The following USH2A variants were observed in gnomAD, a reference collection of about 807,000 sequenced individuals.
USH2A encodes the protein usherin.
A neutral mutation model predicts 538.9 loss-of-function variants in USH2A; 443 were observed. The observed-to-expected ratio is 0.82, with a 90% CI of 0.76 to 0.89. The LOEUF (loss-of-function observed/expected upper bound fraction) is 0.89. Ranked by LOEUF, USH2A falls within the 40% of genes least tolerant of loss-of-function variation. The probability of loss-of-function intolerance (pLI) is 0.00; values close to 1 mark genes in which losing one functional copy is unlikely to be tolerated. For synonymous variants in USH2A, 2,413 were observed against 2,273.5 expected, an observed-to-expected ratio of 1.06 and a Z score of -1.75; for missense variants, 6,633 against 6,324.8, an observed-to-expected ratio of 1.05 and a Z score of -1.65.
chr1:215,965,008 T>A (rs1419583570), intron 37 of USH2A, among the ~76,000 whole-genome samples: 1 of 152,162 alleles, frequency 6.6e-6, no homozygotes, highest in Admixed American at 6.5e-5. Context: ...TCAGCATGTG[T>A]CACCTAAAGG....
At position 215,781,594 on chromosome 1, in the gene USH2A, T is replaced by C. The variant is rs1315406184; in HGVS notation, c.10740+448A>G. Among the ~76,000 whole-genome samples, 3 of 152,208 alleles carry C rather than the reference T, an allele frequency of 2.0e-5. No individual in the cohort carries two copies. In the South Asian group the frequency reaches 6.2e-4, roughly 31 times the overall value. ...TCTTCATTATTTCTTGACAAGGCTATAGCAGAAGGCTTGGAACAATTTTGT... is the reference window on the plus strand; with the variant it reads ...TCTTCATTATTTCTTGACAAGGCTACAGCAGAAGGCTTGGAACAATTTTGT... On this transcript the variant is annotated intron_variant, in intron 54 of 71. Coordinates refer to ENST00000307340, the MANE Select transcript of USH2A (RefSeq NM_206933.4).
intron 39 of USH2A, 100 bp from the exon 40 acceptor site, chr1:215,900,317 T>A: frequency 8.2e-7 from 1 of 1,224,880 alleles, no homozygotes; most frequent in South Asian, 1.3e-5. Flanking sequence ...GATGTCAACA[T>A]ACATTTAAGT....
At chr1:216,184,473 C>T (rs2034557584) in intron 20 of USH2A, among the ~76,000 whole-genome samples, 1 of 151,866 alleles carries the variant, frequency 6.6e-6, no homozygotes, top group South Asian at 2.1e-4. Flanking sequence ...ATATGGCATG[C>T]CACATTTGCA....
chr1:216,047,432 A>G (rs1490141606), intron 31 of USH2A, among the ~76,000 whole-genome samples: 1 of 152,174 alleles, frequency 6.6e-6, no homozygotes, highest in African/African-American at 2.4e-5. Flanking sequence ...ATGATACAAC[A>G]AAAACAGTGC....
chr1:215,858,022 T>G (rs1342819347), intron 44 of USH2A, among the ~76,000 whole-genome samples: 1 of 152,136 alleles, frequency 6.6e-6, no homozygotes, highest in African/African-American at 2.4e-5. Flanking sequence ...CAAGTGTTTC[T>G]GTGGCAACTA....
intron 4 of USH2A, among the ~76,000 whole-genome samples, chr1:216,335,819 C>T (rs1341368288): frequency 6.6e-6 from 1 of 151,468 alleles, no homozygotes; most frequent in Non-Finnish European, 1.5e-5. Context: ...GGACCAGATG[C>T]TTTCATTGGC....
In USH2A at chr1:216,199,942, T is replaced by C. The variant is rs757002832; in HGVS notation, c.3496A>G (p.Thr1166Ala). Residue 1166 changes from threonine (T) to alanine (A), a missense_variant, in exon 17 of 72, where the codon ACA becomes GCA. By Grantham distance (58) the Thr-to-Ala change is moderately conservative (BLOSUM62 0). Coordinates refer to ENST00000307340, the MANE Select transcript of USH2A (RefSeq NM_206933.4). ...TTTGAGAGTGTTGTCCAGGTAAGTG[T>C]CACAGAGTCTGAGCCAATAGGAATG... is the stretch of plus-strand genomic sequence containing the variant. ...YIIPIGSDSV[T>A]LTWTTLSNQS... 4 of 1,614,004 alleles carry C rather than the reference T, an allele frequency of 2.5e-6. No individual in the cohort carries two copies. The Admixed American group carries it at 6.7e-5, about 27-fold the overall frequency.
intron 32 of USH2A, among the ~76,000 whole-genome samples, chr1:216,033,065 C>T (rs1669166724): frequency 6.6e-6 from 1 of 152,170 alleles, no homozygotes; most frequent in Non-Finnish European, 1.5e-5. Flanking sequence ...CCATGATGAT[C>T]TCTCAATCTT....
chr1:215,764,396 A>C (rs1661068520), intron 56 of USH2A, among the ~76,000 whole-genome samples: 1 of 152,208 alleles, frequency 6.6e-6, no homozygotes, highest in South Asian at 2.1e-4. Context: ...CTCTAAAATG[A>C]ATTAGAACTC....
At chr1:215,900,622 A>C in intron 39 of USH2A, 133 bp downstream of exon 39, 1 of 1,183,136 alleles carries the variant, frequency 8.5e-7, no homozygotes, top group Non-Finnish European at 1.2e-6. Flanking sequence ...TTATCCTCTA[A>C]TTGTTTGGGG....
rs145365673 is a variant in USH2A at position 215,811,718 on chromosome 1, C to T, written c.9739+2018G>A. 2.0e-5 allele frequency among the ~76,000 whole-genome samples: 3 copies of T among 151,968 alleles called. No individual in the cohort carries two copies. In the East Asian group the frequency reaches 5.9e-4, roughly 30 times the overall value. ...GGTTGGGAGTTCGAGACCACCCTGA[C>T]CAACATGGAGAAAGCCTGTCTCTAC... On this transcript the variant is annotated intron_variant, in intron 49 of 71. Transcript: ENST00000307340.
rs974148776 is a variant in USH2A, at chr1:216,072,920, A to G, written c.5826T>C (p.Ser1942=). 1 of 1,613,840 alleles carries G rather than the reference A, an allele frequency of 6.2e-7. No homozygotes were observed. The highest frequency in any genetic ancestry group is 8.5e-7 in the Non-Finnish European group (1 of 1,179,890). The change falls in exon 29 of 72, where the codon AGT becomes AGC. Residue 1942 remains serine, a synonymous_variant. Coordinates refer to ENST00000307340, the MANE Select transcript of USH2A (RefSeq NM_206933.4). ...CTGTTGTACGTCCTCGACTCCAATC[A>G]CTATATACTGAACCTCCTTCATGCG... The part of the protein sequence containing the change: ...IASHEGGSVY[S]DWSRGRTTGA...
intron 38 of USH2A, among the ~76,000 whole-genome samples, chr1:215,932,591 A>G (rs1254169768): frequency 1.3e-5 from 2 of 152,078 alleles, no homozygotes; most frequent in Non-Finnish European, 2.9e-5. Context: ...AATCTAATGA[A>G]AAAAGAAAGT....
chr1:216,146,116 C>T (rs567540919), intron 21 of USH2A, among the ~76,000 whole-genome samples: 37 of 152,328 alleles, frequency 2.4e-4, no homozygotes, highest in African/African-American at 8.7e-4. Context: ...TCCTCCTGCT[C>T]TTTGCTCTGT....
chr1:215,708,431 C>T (rs562324159), intron 61 of USH2A, among the ~76,000 whole-genome samples: 3 of 152,206 alleles, frequency 2.0e-5, no homozygotes, highest in East Asian at 3.9e-4. Flanking sequence ...AGTTTTACAG[C>T]GAGGAGCTAA....
chr1:216,311,446 T>A (rs1273911747), intron 9 of USH2A, among the ~76,000 whole-genome samples: 1 of 152,222 alleles, frequency 6.6e-6, no homozygotes, highest in African/African-American at 2.4e-5. Flanking sequence ...TTTCTTACCA[T>A]CCACTTGGTG....
chr1:216,195,652 G>C (rs2034824941), intron 19 of USH2A: 1 of 153,286 alleles, frequency 6.5e-6, no homozygotes, highest in Non-Finnish European at 1.5e-5. Flanking sequence ...GAAGGATCAG[G>C]AACTAGGAAT....
intron 11 of USH2A, among the ~76,000 whole-genome samples, chr1:216,279,359 G>C (rs1400339454): frequency 6.6e-6 from 1 of 152,090 alleles, no homozygotes; most frequent in Non-Finnish European, 1.5e-5. Context: ...TTTAAGATGG[G>C]ATTCAGAGGA....
chr1:215,781,053 T>G (rs923996970), intron 54 of USH2A, among the ~76,000 whole-genome samples: 1 of 152,256 alleles, frequency 6.6e-6, no homozygotes, highest in Admixed American at 6.5e-5. Flanking sequence ...ATTGTTTGAT[T>G]GTTTATTTCC....
Sources: gnomAD v4.1 joint callset for allele counts (sites outside exome capture counted in the v4.1 genomes callset) on GRCh38, gnomAD v4.1.1 for gene constraint, MANE v1.5 for transcripts, NCBI Gene and HGNC (gene_info 2026-07-23, HGNC 2026-07-21) for gene names.